Variants in OSBPL9 observed in about 807,000 individuals in gnomAD.
OSBPL9 encodes the protein oxysterol-binding protein-related protein 9.
A neutral mutation model predicts 106.6 loss-of-function variants in OSBPL9; 40 were observed. That is an observed-to-expected ratio of 0.38 (90% confidence interval 0.29 to 0.49). The LOEUF (loss-of-function observed/expected upper bound fraction) is 0.49. OSBPL9 is among the 20% of genes least tolerant of loss of function. The probability of loss-of-function intolerance (pLI) is 0.97; values close to 1 mark genes in which losing one functional copy is unlikely to be tolerated. For missense variants in OSBPL9, 609 were observed against 887.2 expected (o/e 0.69, Z 3.98); for synonymous variants, 269 against 295.4 (o/e 0.91, Z 0.92).
chr1:51,574,469 A>T (rs1020994161), upstream of OSBPL9, among the ~76,000 whole-genome samples: 3 of 152,210 alleles, frequency 2.0e-5, no homozygotes, highest in African/African-American at 7.2e-5. Flanking sequence ...AATATAAAAA[A>T]TTAGCCAGGC....
At position 51,729,986 on chromosome 1, in the gene OSBPL9, G is replaced by T; in HGVS notation, c.319-15550G>T. On this transcript the variant is annotated intron_variant, in intron 4 of 23. Transcript: ENST00000428468. This position sits in a 1 kb window ranked among gnomAD's most constrained non-coding sequence, Gnocchi z 5.1. ...GGGGGCCTTGGCGAATGGCTTTCTT[G>T]CTGGCCACTTGCGGAGTGAGTAGAC... The T allele has an allele frequency of 7.6e-7, 1 of 1,317,252 alleles. No homozygotes were observed. The highest frequency in any genetic ancestry group is 9.8e-7 in the Non-Finnish European group (1 of 1,025,048). The allele number at this position is 1,317,252 out of a possible 1,614,324, so 81.6% of individuals were successfully genotyped here. A position where few individuals can be genotyped will look rare whatever the true frequency, so the allele number is the denominator to read the frequency against.
chr1:51,608,661 C>T (rs565520784), intron 2 of OSBPL9, among the ~76,000 whole-genome samples: 7 of 146,780 alleles, frequency 4.8e-5, no homozygotes, highest in African/African-American at 1.8e-4. Flanking sequence ...CTGATGGTCA[C>T]CTGACATTCC....
chr1:51,621,762 A>G (rs2148627118), intron 1 of OSBPL9, among the ~76,000 whole-genome samples: 2 of 152,266 alleles, frequency 1.3e-5, no homozygotes, highest in East Asian at 3.9e-4. Flanking sequence ...TTTGTCTAAG[A>G]CACCAGGTCA....
intron 7 of OSBPL9, among the ~76,000 whole-genome samples, chr1:51,749,889 A>G (rs933525896): frequency 1.3e-5 from 2 of 151,750 alleles, no homozygotes; most frequent in Non-Finnish European, 2.9e-5. Flanking sequence ...AAAAAAAAAA[A>G]AAAGAAAAAA....
intron 2 of OSBPL9, among the ~76,000 whole-genome samples, chr1:51,611,271 C>A (rs1274729538): frequency 2.0e-5 from 3 of 150,256 alleles, no homozygotes; most frequent in Non-Finnish European, 3.0e-5. Flanking sequence ...GGACTGTGAA[C>A]AAAACAGGCT....
At chr1:51,646,106 C>G (rs1157143341) in intron 1 of OSBPL9, among the ~76,000 whole-genome samples, 2 of 152,074 alleles carry the variant, frequency 1.3e-5, no homozygotes, top group East Asian at 3.9e-4. Context: ...GGGTCCCTTG[C>G]AAAACCACTG....
intron 14 of OSBPL9, among the ~76,000 whole-genome samples, chr1:51,773,903 G>T (rs777913758): frequency 7.9e-4 from 120 of 152,052 alleles, no homozygotes; most frequent in Non-Finnish European, 1.1e-3. Flanking sequence ...TTTGTCCCCG[G>T]AATTGCTTCA....
At chr1:51,731,519 A>G (rs1277795907) in intron 4 of OSBPL9, among the ~76,000 whole-genome samples, 1 of 151,578 alleles carries the variant, frequency 6.6e-6, no homozygotes, top group African/African-American at 2.4e-5. Context: ...AGTGCTGCCT[A>G]TAATCCCAGC....
chr1:51,536,346 A>T, the OSBPL9 span, among the ~76,000 whole-genome samples: 1 of 151,956 alleles, frequency 6.6e-6, no homozygotes, highest in African/African-American at 2.4e-5. Flanking sequence ...GCGCTCTGTC[A>T]CCCAGGCTGG....
chr1:51,639,484 T>G (rs1297487145), intron 1 of OSBPL9, among the ~76,000 whole-genome samples: 1 of 152,184 alleles, frequency 6.6e-6, no homozygotes, highest in South Asian at 2.1e-4. Flanking sequence ...TAAATGTTCT[T>G]TGCAAAGTAC....
At chr1:51,700,083 T>C (rs1161438523) in intron 3 of OSBPL9, among the ~76,000 whole-genome samples, 1 of 152,236 alleles carries the variant, frequency 6.6e-6, no homozygotes, top group African/African-American at 2.4e-5. Flanking sequence ...TATGTAATTA[T>C]TTTCCAATCA....
At chr1:51,568,371 GAC>G in the OSBPL9 span, among the ~76,000 whole-genome samples, 3 of 152,144 alleles carry the variant, frequency 2.0e-5, no homozygotes, top group African/African-American at 7.2e-5. Flanking sequence ...GTTGCTCAAA[GAC>G]AAACAGCTAG....
At chr1:51,710,139 A>G (rs1473344396) in intron 3 of OSBPL9, among the ~76,000 whole-genome samples, 2 of 152,148 alleles carry the variant, frequency 1.3e-5, no homozygotes, top group Non-Finnish European at 2.9e-5. Context: ...GATTCCATGT[A>G]TTGATTACTG....
chr1:51,712,537 A>C (rs973880681), intron 3 of OSBPL9, among the ~76,000 whole-genome samples: 3 of 152,156 alleles, frequency 2.0e-5, no homozygotes, highest in Non-Finnish European at 4.4e-5. Context: ...CTTTGGTTGT[A>C]CTTAATCTGC....
At position 51,756,343 on chromosome 1, in the gene OSBPL9, C is replaced by G. The variant is rs370193883; in HGVS notation, c.567C>G (p.His189Gln). ...AGGACCAGAGTAATGCGGAGAAGCA[C>G]GCAGATGGAATGATAGTAAGTTTAA... ...IAKDQSNAEK[H>Q]ADGMISTINP... The change falls in exon 9 of 24, where the codon CAC becomes CAG. Residue 189 changes from histidine (H) to glutamine (Q), a missense_variant. Transcript: ENST00000428468. 12 of 1,613,040 alleles carry G rather than the reference C, an allele frequency of 7.4e-6. No individual in the cohort carries two copies. The highest frequency in any genetic ancestry group is 9.3e-6 in the Non-Finnish European group (11 of 1,179,336).
chr1:51,684,987 C>T (rs918747531), intron 3 of OSBPL9, among the ~76,000 whole-genome samples: 1 of 150,878 alleles, frequency 6.6e-6, no homozygotes, highest in African/African-American at 2.5e-5. Context: ...TCATAGCTCA[C>T]TGTGGCCTTG....
chr1:51,742,355 C>A (rs1667111308), intron 4 of OSBPL9, among the ~76,000 whole-genome samples: 1 of 151,986 alleles, frequency 6.6e-6, no homozygotes, highest in Non-Finnish European at 1.5e-5. Context: ...AAGAATTTGC[C>A]CTATTCTCAG....
In OSBPL9 at chr1:51,595,955, T is replaced by C. The variant is rs539234783; in HGVS notation, c.-422-2169T>C. ...ACACTTTCGTTTAACTTCATTCATC[T>C]ATTCAATATCTATTTATCAGGCCAG... On this transcript the variant is annotated intron_variant, in intron 1 of 25. Coordinates refer to the OSBPL9 transcript ENST00000371714. Among the ~76,000 whole-genome samples, 10 of 152,212 alleles carry C rather than the reference T, an allele frequency of 6.6e-5. No individual in the cohort carries two copies. In the South Asian group the frequency reaches 2.1e-3, roughly 32 times the overall value.
rs1234279156 is a variant in OSBPL9, at chr1:51,679,879, CT to C, written c.241+10369del. 2.0e-5 allele frequency among the ~76,000 whole-genome samples: 3 copies of C among 151,974 alleles called. No homozygotes were observed. In the East Asian group the frequency reaches 5.8e-4, roughly 29 times the overall value. On this transcript the variant is annotated intron_variant, in intron 3 of 23. Coordinates refer to ENST00000428468, the MANE Select transcript of OSBPL9 (RefSeq NM_024586.6). ...TTATTAGTTGTTAATCTTACTGTGC[CT>C]TATTTATAAGTTAAACTTTATTATA... is the stretch of plus-strand genomic sequence containing the variant.
Sources: allele counts gnomAD v4.1 joint callset (sites outside exome capture counted in the v4.1 genomes callset), GRCh38; gene constraint gnomAD v4.1.1; non-coding constraint Gnocchi (gnomAD v3.1); transcripts MANE v1.5; gene names NCBI Gene and HGNC (gene_info 2026-07-23, HGNC 2026-07-21).